The following CADM2 variants were observed in gnomAD, a reference collection of about 807,000 sequenced individuals.
The protein encoded by CADM2 is cell adhesion molecule 2, also known as immunoglobulin superfamily member 4D.
In CADM2, 12 loss-of-function variants were observed where a neutral mutation model predicts 49.8. The ratio of observed to expected loss-of-function variants is 0.24; its 90% CI spans 0.15 to 0.39. The LOEUF is 0.39. Among genes scored for constraint, CADM2 ranks in the 10% least tolerant of loss-of-function variants. The pLI, the probability that CADM2 is intolerant of heterozygous loss-of-function variation, is 1.00. For missense variants in CADM2, 378 were observed against 492.3 expected (o/e 0.77, Z 2.20); for synonymous variants, 214 against 175.4 (o/e 1.22, Z -1.74).
intron 1 of CADM2, among the ~76,000 whole-genome samples, chr3:85,531,427 G>C (rs2061306241): frequency 6.6e-6 from 1 of 152,152 alleles, no homozygotes; most frequent in Admixed American, 6.5e-5. Flanking sequence ...TCTGTAGTCT[G>C]GGGATGACTT....
intron 1 of CADM2, among the ~76,000 whole-genome samples, chr3:85,107,120 G>A (rs888075321): frequency 7.9e-5 from 12 of 152,012 alleles, no homozygotes; most frequent in Admixed American, 3.9e-4. Flanking sequence ...CAAAGGTATG[G>A]CATCAACTAA....
Position 86,069,570 on chromosome 3 carries a change from C to T in CADM2, c.*2787C>T, listed in dbSNP as rs984920668. On this transcript the variant is annotated 3_prime_UTR_variant, in exon 10 of 10. Transcript: ENST00000383699. ...ATTCCAACAAGTCAGAAAATAATGA[C>T]ATAATATTTCTAAATGAGAATGATG... is the stretch of plus-strand genomic sequence containing the variant. 5 of 151,770 alleles carry T rather than the reference C, an allele frequency of 3.3e-5. No individual in the cohort carries two copies. The highest frequency in any genetic ancestry group is 1.2e-4 in the African/African-American group (5 of 41,324). 9.4% of individuals were successfully genotyped at this position (151,770 alleles called of 1,614,324 possible). A position where few individuals can be genotyped will look rare whatever the true frequency, so the allele number is the denominator to read the frequency against.
At chr3:84,968,463 C>T (rs777510765) in intron 1 of CADM2, among the ~76,000 whole-genome samples, 9 of 151,978 alleles carry the variant, frequency 5.9e-5, no homozygotes, top group Admixed American at 1.3e-4. Flanking sequence ...AGTTCACTGT[C>T]ATGTATTAAT....
chr3:85,374,128 C>G (rs573321678), intron 1 of CADM2, among the ~76,000 whole-genome samples: 2 of 152,026 alleles, frequency 1.3e-5, no homozygotes, highest in African/African-American at 4.8e-5. Context: ...GTTTTATGCT[C>G]TGCTTCCCTT....
chr3:85,428,617 A>C (rs543123232), intron 1 of CADM2, among the ~76,000 whole-genome samples: 1 of 146,396 alleles, frequency 6.8e-6, no homozygotes, highest in East Asian at 2.0e-4. Context: ...AAAATATATA[A>C]AATATTTACA....
chr3:85,181,340 G>A (rs1483897430), intron 1 of CADM2, among the ~76,000 whole-genome samples: 1 of 151,866 alleles, frequency 6.6e-6, no homozygotes, highest in Non-Finnish European at 1.5e-5. Flanking sequence ...CTATTGAAAG[G>A]CATCTAAGTG....
At chr3:85,002,999 C>T (rs9831123) in intron 1 of CADM2, among the ~76,000 whole-genome samples, 77,406 of 151,766 alleles carry the variant, frequency 0.51, 20,021 homozygotes, top group Admixed American at 0.59. Flanking sequence ...TCTCTGTTTC[C>T]TGCCCAGGCT....
intron 1 of CADM2, among the ~76,000 whole-genome samples, chr3:85,241,798 C>T (rs897283620): frequency 6.6e-6 from 1 of 151,382 alleles, no homozygotes; most frequent in African/African-American, 2.4e-5. Flanking sequence ...TCAGGTAGGT[C>T]ATTTACTTCA....
intron 8 of CADM2, among the ~76,000 whole-genome samples, chr3:86,056,049 A>G (rs1737948715): frequency 1.3e-5 from 2 of 152,136 alleles, no homozygotes; most frequent in African/African-American, 4.8e-5. Flanking sequence ...CAATCCAAAA[A>G]CTTATTTTAT....
intron 8 of CADM2, among the ~76,000 whole-genome samples, chr3:86,002,888 T>C (rs1691784407): frequency 2.6e-5 from 4 of 152,210 alleles, no homozygotes; most frequent in African/African-American, 9.6e-5. Flanking sequence ...TGATGGAATT[T>C]ATCACTTTGT....
At chr3:85,568,943 T>G in intron 1 of CADM2, among the ~76,000 whole-genome samples, 1 of 152,110 alleles carries the variant, frequency 6.6e-6, no homozygotes, top group East Asian at 1.9e-4. Flanking sequence ...ATTGACATAG[T>G]TTTTCATTTT....
At chr3:85,529,896 CTT>C (rs774271246) in intron 1 of CADM2, among the ~76,000 whole-genome samples, 26 of 152,228 alleles carry the variant, frequency 1.7e-4, no homozygotes, top group Non-Finnish European at 2.5e-4. Flanking sequence ...AAATCCCTCT[CTT>C]ATTTTTTCTG....
At chr3:85,010,851 CTTTT>C (rs71105001) in intron 1 of CADM2, among the ~76,000 whole-genome samples, 7 of 35,688 alleles carry the variant, frequency 2.0e-4, no homozygotes, top group African/African-American at 9.2e-4. Context: ...CTGTTTATGT[CTTTT>C]TTTTTTTTTT....
chr3:85,197,757 T>C lies in CADM2; in HGVS notation c.61+238089T>C, dbSNP rs551865353. Among the ~76,000 whole-genome samples the C allele has an allele frequency of 2.6e-5, 4 of 152,078 alleles. No homozygotes were observed. In the East Asian group the frequency reaches 7.7e-4, roughly 29 times the overall value. On this transcript the variant is annotated intron_variant, in intron 1 of 9. Transcript: ENST00000383699. Reference sequence around the variant, plus strand: ...GTTATGTTGTTCAAATGTCATGATGTTTATTTCTTATCATGATGCTGCTTG... The same window carrying C: ...GTTATGTTGTTCAAATGTCATGATGCTTATTTCTTATCATGATGCTGCTTG...
chr3:85,093,950 G>A lies in CADM2; in HGVS notation c.61+134282G>A, dbSNP rs1420056928. Among the ~76,000 whole-genome samples the A allele has an allele frequency of 2.0e-5, 3 of 152,036 alleles. No homozygotes were observed. The East Asian group carries it at 5.8e-4, about 29-fold the overall frequency. ...GTAAGGTAATTAGCAAAGCTAGGTG[G>A]GAGGAGAGGTGCTTCTAGGGCAGTT... On this transcript the variant is annotated intron_variant, in intron 1 of 9. Coordinates refer to ENST00000383699, the MANE Select transcript of CADM2 (RefSeq NM_001167675.2).
chr3:85,345,313 C>CAAAAAAAAAAAAAA (rs3085180), intron 1 of CADM2, among the ~76,000 whole-genome samples: 5 of 47,168 alleles, frequency 1.1e-4, no homozygotes, highest in African/African-American at 2.7e-4. Context: ...GTCTCCATCT[C>CAAAAAAAAAAAAAA]AAAAAAAAAA....
At chr3:86,053,917 ATTATC>A (rs1422347330) in intron 8 of CADM2, among the ~76,000 whole-genome samples, 6 of 152,034 alleles carry the variant, frequency 3.9e-5, no homozygotes, top group African/African-American at 1.2e-4. Flanking sequence ...TTTTGTATAT[ATTATC>A]TGATCTGTTA....
Position 86,067,116 on chromosome 3 carries a change from A to C in CADM2, c.*333A>C, listed in dbSNP as rs1739420633. 2 of 200,184 alleles carry C rather than the reference A, an allele frequency of 1.0e-5. No individual in the cohort carries two copies. The allele number at this position is 200,184 out of a possible 1,614,324, so 12.4% of individuals were successfully genotyped here. ...TTTATACATTAAAAAATGTATGCAG[A>C]GTTTTTTTCCCCCATTTTTTCCCCT... On this transcript the variant is annotated 3_prime_UTR_variant, in exon 10 of 10. Transcript: ENST00000383699.
chr3:85,900,962 A>T (rs896473419), intron 5 of CADM2, among the ~76,000 whole-genome samples: 5 of 152,230 alleles, frequency 3.3e-5, no homozygotes, highest in African/African-American at 1.2e-4. Context: ...AATGCATAAG[A>T]TATTTTACAA....
Sources: gnomAD v4.1 joint callset for allele counts (sites outside exome capture counted in the v4.1 genomes callset) on GRCh38, gnomAD v4.1.1 for gene constraint, MANE v1.5 for transcripts, NCBI Gene and HGNC (gene_info 2026-07-23, HGNC 2026-07-21) for gene names.